The following SLC35F4 variants were observed in gnomAD, a reference collection of about 807,000 sequenced individuals.
SLC35F4 encodes chromosome 14 open reading frame 36.
SLC35F4 carries 24 observed loss-of-function variants against 44.2 expected under a neutral mutation model. The observed-to-expected ratio is 0.54, with a 90% CI of 0.39 to 0.76. SLC35F4 has a LOEUF of 0.76. SLC35F4 is among the 30% of genes least tolerant of loss of function. The probability of loss-of-function intolerance (pLI) is 0.00; values close to 1 mark genes in which losing one functional copy is unlikely to be tolerated. For missense variants in SLC35F4, 562 were observed against 586.1 expected (o/e 0.96, Z 0.42); for synonymous variants, 238 against 223.6 (o/e 1.06, Z -0.57).
intron 1 of SLC35F4, among the ~76,000 whole-genome samples, chr14:57,948,183 C>T (rs1890069506): frequency 6.6e-6 from 1 of 151,898 alleles, no homozygotes; most frequent in South Asian, 2.1e-4. Flanking sequence ...TTTCTGTTGG[C>T]AATTTTTTTA....
Position 57,594,068 on chromosome 14 carries a change from G to A in SLC35F4, c.160C>T (p.His54Tyr). 1 of 1,613,906 alleles carries A rather than the reference G, an allele frequency of 6.2e-7. No homozygotes were observed. The highest frequency in any genetic ancestry group is 8.5e-7 in the Non-Finnish European group (1 of 1,179,856). Reference protein sequence around the residue: ...CKPGANCPSSHSGISRQLSPL... With the variant: ...CKPGANCPSSYSGISRQLSPL... Reference sequence around the variant, plus strand: ...GACAGTTGTCTACTGATGCCACTGTGTGAACTGGGGCAGTTGGCTCCTGGT... The same window carrying A: ...GACAGTTGTCTACTGATGCCACTGTATGAACTGGGGCAGTTGGCTCCTGGT... Residue 54 changes from histidine to tyrosine, a missense_variant, in exon 2 of 8, where the codon CAC becomes TAC. Transcript: ENST00000556826.
intron 1 of SLC35F4, among the ~76,000 whole-genome samples, chr14:57,663,346 T>C (rs941982255): frequency 6.6e-6 from 1 of 152,210 alleles, no homozygotes; most frequent in Non-Finnish European, 1.5e-5. Flanking sequence ...TTAACATATT[T>C]TCCAAGTGCC....
chr14:57,857,150 G>A (rs1484714731), intron 1 of SLC35F4, among the ~76,000 whole-genome samples: 1 of 151,876 alleles, frequency 6.6e-6, no homozygotes, highest in Non-Finnish European at 1.5e-5. Context: ...GGTGGTGCAT[G>A]CCTGTAATCC....
At chr14:57,805,246 G>A (rs771260557) in intron 1 of SLC35F4, among the ~76,000 whole-genome samples, 1 of 152,112 alleles carries the variant, frequency 6.6e-6, no homozygotes, top group African/African-American at 2.4e-5. Flanking sequence ...GAAATAGTAT[G>A]TGACCCAGCA....
intron 1 of SLC35F4, among the ~76,000 whole-genome samples, chr14:57,791,435 A>G (rs2077916572): frequency 6.6e-6 from 1 of 152,210 alleles, no homozygotes. Context: ...ATGAAATACC[A>G]TCTCATACCA....
chr14:57,587,743 C>T (rs2069859383), intron 3 of SLC35F4, among the ~76,000 whole-genome samples: 1 of 152,064 alleles, frequency 6.6e-6, no homozygotes, highest in Admixed American at 6.5e-5. Flanking sequence ...GCACGTTCTG[C>T]CCATGTATCC....
chr14:57,632,852 T>C (rs2072850063), intron 1 of SLC35F4, among the ~76,000 whole-genome samples: 1 of 152,038 alleles, frequency 6.6e-6, no homozygotes, highest in Non-Finnish European at 1.5e-5. Flanking sequence ...GTACTTTCAC[T>C]TCCCTAAAAA....
At chr14:57,778,711 A>C (rs1267627206) in intron 1 of SLC35F4, among the ~76,000 whole-genome samples, 1 of 152,028 alleles carries the variant, frequency 6.6e-6, no homozygotes, top group Non-Finnish European at 1.5e-5. Flanking sequence ...AATCAACTAC[A>C]CAATCAGATA....
At chr14:57,629,493 A>G (rs2072656337) in intron 1 of SLC35F4, among the ~76,000 whole-genome samples, 1 of 152,158 alleles carries the variant, frequency 6.6e-6, no homozygotes, top group Non-Finnish European at 1.5e-5. Flanking sequence ...AACATACAAT[A>G]TCTTCCAGAA....
At chr14:57,599,794 T>A (rs1433079030) in intron 1 of SLC35F4, among the ~76,000 whole-genome samples, 3 of 121,714 alleles carry the variant, frequency 2.5e-5, no homozygotes, top group Non-Finnish European at 5.2e-5. Flanking sequence ...AGAGCAAGAC[T>A]CTGTCTTGAA....
intron 1 of SLC35F4, among the ~76,000 whole-genome samples, chr14:57,925,967 G>A (rs964230215): frequency 7.2e-5 from 11 of 152,074 alleles, no homozygotes; most frequent in African/African-American, 2.4e-4. Context: ...GAGACAGTAT[G>A]GCATACACAG....
chr14:57,914,042 T>C (rs1299621105), intron 1 of SLC35F4, among the ~76,000 whole-genome samples: 2 of 152,216 alleles, frequency 1.3e-5, no homozygotes, highest in African/African-American at 4.8e-5. Flanking sequence ...AAGTTGGATG[T>C]AGTTATCTTT....
chr14:57,981,597 A>G (rs1333261862), intron 1 of SLC35F4, among the ~76,000 whole-genome samples: 2 of 152,152 alleles, frequency 1.3e-5, no homozygotes, highest in Non-Finnish European at 2.9e-5. Flanking sequence ...GGAATGTTGT[A>G]ATGTTAATTT....
chr14:57,746,625 TA>T (rs34579354), intron 1 of SLC35F4, among the ~76,000 whole-genome samples: 17,753 of 152,120 alleles, frequency 0.12, 1,281 homozygotes, highest in South Asian at 0.18. Context: ...ATATCTTTGT[TA>T]AAAAAAGTTT....
rs528204534 is a variant in SLC35F4 at position 57,908,683 on chromosome 14, G to A, written n.282+73230C>T. ...AGTTTCTTGTAAATTCTGGATATTA[G>A]CCATTTGGCAGATGGATAGATTGCA... On this transcript the variant is annotated intron_variant and non_coding_transcript_variant, in intron 1 of 1. Coordinates refer to the SLC35F4 transcript ENST00000556568. 3.9e-5 allele frequency among the ~76,000 whole-genome samples: 6 copies of A among 152,198 alleles called. No individual in the cohort carries two copies. In the East Asian group the frequency reaches 1.2e-3, roughly 29 times the overall value.
At chr14:57,774,929 A>C (rs1288871106) in intron 1 of SLC35F4, among the ~76,000 whole-genome samples, 1 of 151,592 alleles carries the variant, frequency 6.6e-6, no homozygotes, top group East Asian at 1.9e-4. Flanking sequence ...GCATAAGTGC[A>C]CTCTGCTCTT....
intron 2 of SLC35F4, among the ~76,000 whole-genome samples, chr14:57,592,017 A>G (rs1371066507): frequency 6.6e-6 from 1 of 152,196 alleles, no homozygotes; most frequent in East Asian, 1.9e-4. Context: ...GATTGTTGCC[A>G]ATTCTTCGAT....
intron 1 of SLC35F4, among the ~76,000 whole-genome samples, chr14:57,700,791 G>A (rs1159436551): frequency 6.6e-6 from 1 of 152,034 alleles, no homozygotes; most frequent in Non-Finnish European, 1.5e-5. Flanking sequence ...TGTAGTCCTA[G>A]CTACTCAGGA....
In SLC35F4 at chr14:57,856,433, C is replaced by T. The variant is rs80122561; in HGVS notation, c.103+9290G>A. Among the ~76,000 whole-genome samples the T allele has an allele frequency of 1.0e-3, 156 of 152,080 alleles. 5 individuals are homozygous for T. In the East Asian group the frequency reaches 0.015, roughly 15 times the overall value. ...AGCCACAAACCAGGTCTTAGATAGG[C>T]TTTCAAAATAAGGTACATCTAAAAT... On this transcript the variant is annotated intron_variant, in intron 1 of 7. Transcript: ENST00000556826.
Sources: gnomAD v4.1 joint callset for allele counts (sites outside exome capture counted in the v4.1 genomes callset) on GRCh38, gnomAD v4.1.1 for gene constraint, MANE v1.5 for transcripts, NCBI Gene and HGNC (gene_info 2026-07-23, HGNC 2026-07-21) for gene names.